The following PCDH11X variants were observed in gnomAD, a reference collection of about 807,000 sequenced individuals.
PCDH11X encodes protocadherin 11 X-linked, also known as protocadherin-11 X-linked.
Under a neutral mutation model 53.3 loss-of-function variants are expected in PCDH11X, and 18 were observed. That is an observed-to-expected ratio of 0.34 (90% confidence interval 0.23 to 0.50). The LOEUF is 0.50. PCDH11X is among the 20% of genes least tolerant of loss of function. The probability of loss-of-function intolerance (pLI) is 0.98; values close to 1 mark genes in which losing one functional copy is unlikely to be tolerated. For missense variants in PCDH11X, 570 were observed against 1,032.4 expected, an observed-to-expected ratio of 0.55 and a Z score of 6.14; for synonymous variants, 279 against 393.3, an observed-to-expected ratio of 0.71 and a Z score of 3.44.
chrX:92,008,455 A>G (rs996700191), intron 6 of PCDH11X, among the ~76,000 whole-genome samples: 9 of 110,277 alleles, frequency 8.2e-5, no homozygotes, highest in Non-Finnish European at 1.7e-4. Context: ...GCGCCTCACG[A>G]TTGCTGTGTT....
chrX:92,033,343 T>A (rs1254351403), intron 6 of PCDH11X, among the ~76,000 whole-genome samples: 1 of 103,359 alleles, frequency 9.7e-6, no homozygotes, highest in Non-Finnish European at 2.0e-5. Flanking sequence ...TTTGGTAGAA[T>A]TCAACAGTGA....
intron 5 of PCDH11X, among the ~76,000 whole-genome samples, chrX:91,857,760 G>T (rs1307920081): frequency 8.9e-6 from 1 of 111,981 alleles, no homozygotes; most frequent in Non-Finnish European, 1.9e-5. Context: ...CCATGGTCTT[G>T]GGCAGCTCCA....
chrX:92,484,239 A>G (rs1320107419), intron 10 of PCDH11X, among the ~76,000 whole-genome samples: 9 of 97,241 alleles, frequency 9.3e-5, no homozygotes, highest in East Asian at 3.1e-4. Context: ...ATATGTATAT[A>G]TGTATATATG....
chrX:92,498,888 T>G (rs1304901229), intron 10 of PCDH11X, among the ~76,000 whole-genome samples: 1 of 92,963 alleles, frequency 1.1e-5, no homozygotes, highest in African/African-American at 3.7e-5. Context: ...TTCATTCATA[T>G]TGTCATCAAC....
chrX:92,550,855 T>C (rs769841794), intron 10 of PCDH11X, among the ~76,000 whole-genome samples: 23 of 108,691 alleles, frequency 2.1e-4, no homozygotes, highest in African/African-American at 7.7e-4. Flanking sequence ...TTTCTGTTCC[T>C]GGCTTATTTC....
chrX:91,969,479 G>A (rs193005786), intron 6 of PCDH11X, among the ~76,000 whole-genome samples: 258 of 109,865 alleles, frequency 2.3e-3, no homozygotes, highest in African/African-American at 8.2e-3. Context: ...TTTACTAAGC[G>A]TCAAGGTAGT....
chrX:91,867,484 A>G (rs930799289), intron 5 of PCDH11X, among the ~76,000 whole-genome samples: 38 of 108,387 alleles, frequency 3.5e-4, no homozygotes, highest in Admixed American at 8.8e-4. Flanking sequence ...ATCTCAGAAG[A>G]CATGGTACTT....
chrX:92,273,423 C>G (rs1316886002), intron 8 of PCDH11X, among the ~76,000 whole-genome samples: 1 of 111,549 alleles, frequency 9.0e-6, no homozygotes, highest in Non-Finnish European at 1.9e-5. Flanking sequence ...CTTTTCACTT[C>G]TTTTGTGATT....
chrX:92,189,843 G>A (rs1414055408), intron 6 of PCDH11X, among the ~76,000 whole-genome samples: 1 of 111,911 alleles, frequency 8.9e-6, no homozygotes, highest in Non-Finnish European at 1.9e-5. Context: ...GCCTATGTTT[G>A]TTGGTCACAA....
At chrX:91,788,365 A>G (rs974250904) in intron 1 of PCDH11X, among the ~76,000 whole-genome samples, 2 of 112,132 alleles carry the variant, frequency 1.8e-5, no homozygotes, top group African/African-American at 6.5e-5. Context: ...ATGTTTTGAT[A>G]TGGAAAACAA....
At chrX:92,211,794 A>G (rs965467774) in intron 7 of PCDH11X, among the ~76,000 whole-genome samples, 5 of 111,419 alleles carry the variant, frequency 4.5e-5, no homozygotes, top group Admixed American at 2.9e-4. Context: ...CACCGATTTG[A>G]GTTTTTGTTT....
At chrX:92,151,647 G>A (rs1174303475) in intron 6 of PCDH11X, among the ~76,000 whole-genome samples, 10 of 108,948 alleles carry the variant, frequency 9.2e-5, no homozygotes, top group African/African-American at 2.0e-4. Context: ...TTAATTCTAC[G>A]GTTCTTTTTC....
chrX:91,972,864 G>A (rs1352528933), intron 6 of PCDH11X, among the ~76,000 whole-genome samples: 1 of 111,301 alleles, frequency 9.0e-6, no homozygotes, highest in African/African-American at 3.3e-5. Context: ...TTCAACCATT[G>A]TGGAAGTCAG....
chrX:92,025,020 C>A (rs2062947271), intron 6 of PCDH11X, among the ~76,000 whole-genome samples: 2 of 111,177 alleles, frequency 1.8e-5, no homozygotes, highest in East Asian at 2.8e-4. Context: ...TCATAAAAAA[C>A]CCAAAAAGAA....
chrX:92,094,175 GTATA>G (rs1182356953), intron 6 of PCDH11X, among the ~76,000 whole-genome samples: 5 of 89,336 alleles, frequency 5.6e-5, no homozygotes, highest in African/African-American at 1.9e-4. Flanking sequence ...GTGTGTGTGT[GTATA>G]TATATATAAA....
intron 6 of PCDH11X, among the ~76,000 whole-genome samples, chrX:92,015,345 A>T (rs1158839432): frequency 8.9e-6 from 1 of 111,852 alleles, no homozygotes; most frequent in South Asian, 3.7e-4. Flanking sequence ...ATTTCTTAAA[A>T]GAAGATCACA....
intron 6 of PCDH11X, among the ~76,000 whole-genome samples, chrX:92,071,274 G>C (rs1470019729): frequency 1.8e-5 from 2 of 110,979 alleles, no homozygotes; most frequent in African/African-American, 6.6e-5. Flanking sequence ...GTGCTATTAA[G>C]AGAATCTGAT....
chrX:91,843,348 C>T (rs939125284), intron 5 of PCDH11X, among the ~76,000 whole-genome samples: 69 of 104,752 alleles, frequency 6.6e-4, no homozygotes, highest in Admixed American at 3.1e-4. Context: ...CTTGCTCTGT[C>T]GCCCAGGCTA....
chrX:91,898,755 T>C (rs1195522885), intron 6 of PCDH11X, among the ~76,000 whole-genome samples: 1 of 106,665 alleles, frequency 9.4e-6, no homozygotes, highest in East Asian at 3.1e-4. Context: ...GTAACAACTG[T>C]ATGAAATGGC....
Sources: gnomAD v4.1 joint callset for allele counts (sites outside exome capture counted in the v4.1 genomes callset) on GRCh38, gnomAD v4.1.1 for gene constraint, MANE v1.5 for transcripts, NCBI Gene and HGNC (gene_info 2026-07-23, HGNC 2026-07-21) for gene names.